WWOX: variants seen among roughly 807,000 people sequenced by gnomAD.
WWOX encodes WW domain-containing oxidoreductase.
In WWOX, 69 loss-of-function variants were observed where a neutral mutation model predicts 46.2. The ratio of observed to expected loss-of-function variants is 1.49; its 90% CI spans 1.23 to 1.82. WWOX has a LOEUF of 1.82. WWOX is among the 40% of genes most tolerant of loss of function. The pLI, the probability that WWOX is intolerant of heterozygous loss-of-function variation, is 0.00. For missense variants in WWOX, 919 were observed against 542.6 expected, an observed-to-expected ratio of 1.69 and a Z score of -6.89; for synonymous variants, 359 against 202.6, an observed-to-expected ratio of 1.77 and a Z score of -6.56.
At chr16:79,009,333 C>T (rs574977263) in intron 8 of WWOX, among the ~76,000 whole-genome samples, 1 of 152,292 alleles carries the variant, frequency 6.6e-6, no homozygotes, top group Non-Finnish European at 1.5e-5. Flanking sequence ...GGCTGCTGCT[C>T]TGCACTGCTG....
intron 8 of WWOX, among the ~76,000 whole-genome samples, chr16:78,797,490 G>C (rs148911485): frequency 6.6e-6 from 1 of 151,844 alleles, no homozygotes; most frequent in African/African-American, 2.4e-5. Flanking sequence ...AGATGTTCTC[G>C]AGGCAGCCTG....
chr16:78,984,977 G>A (rs1784119023), intron 8 of WWOX, among the ~76,000 whole-genome samples: 3 of 151,966 alleles, frequency 2.0e-5, no homozygotes, highest in South Asian at 4.1e-4. Context: ...ACAGATACTG[G>A]GCAAAAGGAA....
At chr16:78,934,009 C>T (rs1213990663) in intron 8 of WWOX, among the ~76,000 whole-genome samples, 1 of 151,858 alleles carries the variant, frequency 6.6e-6, no homozygotes, top group East Asian at 1.9e-4. Context: ...CGAGGCAACA[C>T]ATAGAGACAC....
At chr16:78,303,645 A>G (rs536435993) in intron 5 of WWOX, among the ~76,000 whole-genome samples, 72 of 152,300 alleles carry the variant, frequency 4.7e-4, no homozygotes, top group South Asian at 1.7e-3. Flanking sequence ...CCCGGTTTCA[A>G]GCGATTCTCA....
chr16:78,375,620 T>C (rs1489551233), intron 5 of WWOX, among the ~76,000 whole-genome samples: 1 of 152,156 alleles, frequency 6.6e-6, no homozygotes, highest in Non-Finnish European at 1.5e-5. Context: ...GGAATGGAAA[T>C]TGGTATAACC....
intron 8 of WWOX, among the ~76,000 whole-genome samples, chr16:78,558,761 T>G (rs575394474): frequency 3.9e-5 from 6 of 152,342 alleles, no homozygotes; most frequent in East Asian, 1.9e-4. Context: ...AGGCCTGGCC[T>G]TTGTGTTGTC....
At chr16:78,821,975 C>G (rs569475877) in intron 8 of WWOX, among the ~76,000 whole-genome samples, 1 of 152,152 alleles carries the variant, frequency 6.6e-6, no homozygotes, top group East Asian at 1.9e-4. Flanking sequence ...CTACCAGGCT[C>G]AAGCGATCCT....
chr16:78,427,452 G>T (rs2083109612), intron 7 of WWOX, among the ~76,000 whole-genome samples: 2 of 152,210 alleles, frequency 1.3e-5, no homozygotes, highest in African/African-American at 4.8e-5. Context: ...GCAGAGTGCT[G>T]GTTGAACAAC....
chr16:78,843,827 A>G (rs2052226367), intron 8 of WWOX, among the ~76,000 whole-genome samples: 1 of 152,228 alleles, frequency 6.6e-6, no homozygotes, highest in African/African-American at 2.4e-5. Context: ...CCTTCAGCAC[A>G]ATCCCTATTT....
At chr16:78,919,623 T>C (rs2045331941) in intron 8 of WWOX, among the ~76,000 whole-genome samples, 1 of 151,030 alleles carries the variant, frequency 6.6e-6, no homozygotes, top group African/African-American at 2.4e-5. Flanking sequence ...GATCAAGCGA[T>C]TCTCCTGCCT....
chr16:78,218,212 A>T (rs902642710), intron 5 of WWOX, among the ~76,000 whole-genome samples: 2 of 152,012 alleles, frequency 1.3e-5, no homozygotes, highest in Non-Finnish European at 2.9e-5. Flanking sequence ...GTGTCACCAT[A>T]CCTGGCTGAT....
chr16:78,889,941 A>G (rs1252013908), intron 8 of WWOX, among the ~76,000 whole-genome samples: 1 of 152,106 alleles, frequency 6.6e-6, no homozygotes, highest in African/African-American at 2.4e-5. Context: ...ATTAAATTAG[A>G]TGTGTACCAT....
intron 8 of WWOX, among the ~76,000 whole-genome samples, chr16:78,502,880 G>C (rs1478760939): frequency 6.6e-6 from 1 of 152,162 alleles, no homozygotes; most frequent in Non-Finnish European, 1.5e-5. Flanking sequence ...AGGTGAAGAA[G>C]GAAGGCAATG....
At chr16:79,166,602 C>T (rs879344683) in intron 8 of WWOX, among the ~76,000 whole-genome samples, 28 of 152,238 alleles carry the variant, frequency 1.8e-4, no homozygotes, top group Non-Finnish European at 3.7e-4. Context: ...ACTTATTTTT[C>T]GAGTTGTGCT....
At chr16:79,046,923 C>T (rs556713402) in intron 8 of WWOX, among the ~76,000 whole-genome samples, 6 of 152,314 alleles carry the variant, frequency 3.9e-5, no homozygotes, top group African/African-American at 1.4e-4. Context: ...AATTCTTAAA[C>T]AACTCACAAC....
intron 8 of WWOX, among the ~76,000 whole-genome samples, chr16:78,493,438 A>C (rs1433826740): frequency 1.3e-5 from 2 of 152,218 alleles, no homozygotes; most frequent in Non-Finnish European, 2.9e-5. Flanking sequence ...ACATCAAGCT[A>C]GGTCCACCTG....
intron 8 of WWOX, among the ~76,000 whole-genome samples, chr16:79,154,702 C>T (rs1555535996): frequency 6.6e-6 from 1 of 152,166 alleles, no homozygotes; most frequent in Non-Finnish European, 1.5e-5. Flanking sequence ...CTGTTAATCA[C>T]TTTCATAGTG....
At chr16:79,072,793 T>C (rs1597348120) in intron 8 of WWOX, among the ~76,000 whole-genome samples, 1 of 152,216 alleles carries the variant, frequency 6.6e-6, no homozygotes, top group African/African-American at 2.4e-5. Flanking sequence ...ATAATCCTAG[T>C]ATTTAGTAAA....
chr16:78,354,406 CTTTA>C (rs1171902108), intron 5 of WWOX, among the ~76,000 whole-genome samples: 2 of 148,260 alleles, frequency 1.3e-5, no homozygotes, highest in South Asian at 2.1e-4. Context: ...GACTCAGGCA[CTTTA>C]TTTAATTAAT....
Sources: gnomAD v4.1 joint callset for allele counts (sites outside exome capture counted in the v4.1 genomes callset) on GRCh38, gnomAD v4.1.1 for gene constraint, MANE v1.5 for transcripts, NCBI Gene and HGNC (gene_info 2026-07-23, HGNC 2026-07-21) for gene names.